SNX29: variants seen among roughly 807,000 people sequenced by gnomAD.
The protein encoded by SNX29 is sorting nexin 29, also known as sorting nexin-29.
In SNX29, 78 loss-of-function variants were observed where a neutral mutation model predicts 102.1. The ratio of observed to expected loss-of-function variants is 0.76; its 90% CI spans 0.64 to 0.92. The LOEUF is 0.92. Ranked by LOEUF, SNX29 falls within the 40% of genes least tolerant of loss-of-function variation. SNX29 has a pLI of 0.00. For missense variants in SNX29, 1,280 were observed against 1,061.7 expected (o/e 1.21, Z -2.86); for synonymous variants, 580 against 414.5 (o/e 1.40, Z -4.85).
intron 16 of SNX29, among the ~76,000 whole-genome samples, chr16:12,392,610 G>C (rs2083568235): frequency 6.6e-6 from 1 of 152,206 alleles, no homozygotes; most frequent in African/African-American, 2.4e-5. Context: ...GTCAAAAACT[G>C]ATTCACAGAA....
chr16:12,283,478 C>T (rs1183528743), intron 15 of SNX29, among the ~76,000 whole-genome samples: 1 of 152,224 alleles, frequency 6.6e-6, no homozygotes, highest in East Asian at 1.9e-4. Context: ...CATCACCATG[C>T]CCAGCTAATT....
chr16:12,003,013 G>A lies in SNX29; in HGVS notation c.92G>A (p.Arg31Lys). 1 of 1,614,218 alleles carries A rather than the reference G, an allele frequency of 6.2e-7. No individual in the cohort carries two copies. The highest frequency in any genetic ancestry group is 2.2e-5 in the East Asian group (1 of 44,888). ...VKQCQIRFGG[R>K]KEIASDSDSR... is the part of the protein sequence containing the mutation. ...CAGTGCCAGATCCGCTTTGGAGGGA[G>A]AAAGGAGATTGCCTCGGATTCCGAC... The change falls in exon 3 of 21, where the codon AGA (arginine) becomes AAA (lysine). Residue 31 changes from arginine to lysine, a missense_variant. By Grantham distance (26) the Arg-to-Lys change is conservative. Coordinates refer to ENST00000566228, the MANE Select transcript of SNX29 (RefSeq NM_032167.5).
At chr16:12,539,926 G>T (rs764481246) in intron 20 of SNX29, among the ~76,000 whole-genome samples, 4 of 152,170 alleles carry the variant, frequency 2.6e-5, no homozygotes, top group African/African-American at 9.6e-5. Context: ...GGAGTTCTTT[G>T]TATATGTTAG....
At chr16:12,112,056 G>A (rs1180204397) in intron 11 of SNX29, among the ~76,000 whole-genome samples, 1 of 152,250 alleles carries the variant, frequency 6.6e-6, no homozygotes, top group East Asian at 1.9e-4. Flanking sequence ...AGAGGTTGCA[G>A]TGGTTTGCAA....
chr16:12,422,394 T>C (rs1180827085), intron 18 of SNX29, among the ~76,000 whole-genome samples: 2 of 152,214 alleles, frequency 1.3e-5, no homozygotes, highest in Non-Finnish European at 2.9e-5. Context: ...CCTGGTGTTT[T>C]TAATTAATGC....
chr16:12,353,438 C>T (rs747133205), intron 15 of SNX29, among the ~76,000 whole-genome samples: 3 of 140,254 alleles, frequency 2.1e-5, no homozygotes, highest in African/African-American at 9.9e-5. Context: ...CTCTTGCCAT[C>T]CTCACAGTGG....
At chr16:12,416,690 T>C (rs939747235) in intron 18 of SNX29, among the ~76,000 whole-genome samples, 6 of 152,106 alleles carry the variant, frequency 3.9e-5, no homozygotes, top group Admixed American at 3.3e-4. Flanking sequence ...TTAGTCATGG[T>C]GGAAGGTGCA....
At chr16:12,057,974 C>A (rs1005216852) in intron 8 of SNX29, among the ~76,000 whole-genome samples, 11 of 151,894 alleles carry the variant, frequency 7.2e-5, no homozygotes, top group African/African-American at 2.7e-4. Flanking sequence ...ACCACCACCA[C>A]TCCCGGTTAA....
chr16:11,989,550 C>T lies in SNX29; in HGVS notation c.8-9747C>T, dbSNP rs551488804. 3.3e-5 allele frequency among the ~76,000 whole-genome samples: 5 copies of T among 152,328 alleles called. No homozygotes were observed. In the South Asian group the frequency reaches 1.0e-3, roughly 32 times the overall value. On this transcript the variant is annotated intron_variant, in intron 1 of 20. Transcript: ENST00000566228. ...TCTAGAGCAGATAAAACCACCACCG[C>T]ACTCTGCCCATGACAGGAATGAGGC...
At position 12,240,585 on chromosome 16, in the gene SNX29, C is replaced by CTTTTTTTTTTTTTTTTTTTT. The variant is rs1180028807; in HGVS notation, c.1679-37340_1679-37321dup. Among the ~76,000 whole-genome samples the CTTTTTTTTTTTTTTTTTTTT allele has an allele frequency of 1.2e-4, 8 of 64,788 alleles. 3 individuals carry two copies. The highest frequency in any genetic ancestry group is 3.4e-4 in the African/African-American group (6 of 17,650). 42.5% of individuals were successfully genotyped at this position (64,788 alleles called of 152,430 possible). On this transcript the variant is annotated intron_variant, in intron 14 of 20. Coordinates refer to ENST00000566228, the MANE Select transcript of SNX29 (RefSeq NM_032167.5). ...ATAAAATAGCATTTCTTTGTCATTT[C>CTTTTTTTTTTTTTTTTTTTT]TTTTTTTTTTTTTTTTTTTTTTTTT...
At chr16:12,193,009 T>A (rs1308673902) in intron 13 of SNX29, among the ~76,000 whole-genome samples, 3 of 151,902 alleles carry the variant, frequency 2.0e-5, no homozygotes, top group Non-Finnish European at 2.9e-5. Flanking sequence ...GTCTAAAAAA[T>A]TTTTTTGTAG....
intron 16 of SNX29, among the ~76,000 whole-genome samples, chr16:12,379,320 G>A (rs943629384): frequency 1.3e-5 from 2 of 152,268 alleles, no homozygotes; most frequent in African/African-American, 2.4e-5. Context: ...GGGGGTCTCC[G>A]TATGTTGCCC....
chr16:12,400,078 G>A (rs2083880856), intron 17 of SNX29, among the ~76,000 whole-genome samples: 1 of 152,144 alleles, frequency 6.6e-6, no homozygotes, highest in African/African-American at 2.4e-5. Context: ...CCTGATCCAG[G>A]CCACATTGTC....
intron 10 of SNX29, among the ~76,000 whole-genome samples, chr16:12,070,533 T>C (rs1671128478): frequency 6.6e-6 from 1 of 151,956 alleles, no homozygotes; most frequent in Non-Finnish European, 1.5e-5. Context: ...CTGCATAGTA[T>C]TCCATGGTGT....
chr16:12,538,782 C>G (rs992481478), intron 20 of SNX29, among the ~76,000 whole-genome samples: 1 of 152,112 alleles, frequency 6.6e-6, no homozygotes, highest in Non-Finnish European at 1.5e-5. Context: ...TGTCACATCG[C>G]CAAGGGGGAT....
intron 20 of SNX29, among the ~76,000 whole-genome samples, chr16:12,543,807 G>C (rs1264067091): frequency 6.6e-6 from 1 of 152,236 alleles, no homozygotes; most frequent in Non-Finnish European, 1.5e-5. Context: ...ATTTCTCCCA[G>C]CCCATGAGAC....
intron 12 of SNX29, among the ~76,000 whole-genome samples, 166 bp from the exon 13 acceptor site, chr16:12,129,464 A>C (rs1220351990): frequency 6.6e-6 from 1 of 152,242 alleles, no homozygotes; most frequent in Admixed American, 6.5e-5. Flanking sequence ...GCTATCAATT[A>C]GAGTTTGCTA....
At chr16:12,035,997 C>G (rs192867992) in intron 4 of SNX29, among the ~76,000 whole-genome samples, 5 of 152,272 alleles carry the variant, frequency 3.3e-5, no homozygotes, top group East Asian at 1.9e-4. Context: ...CTGACATAGC[C>G]TTTGTATCTA....
chr16:12,498,315 G>C (rs2088933035), intron 19 of SNX29, among the ~76,000 whole-genome samples: 1 of 152,156 alleles, frequency 6.6e-6, no homozygotes, highest in African/African-American at 2.4e-5. Context: ...GGCAGGGCCA[G>C]TTACCTTGTA....
Sources: gnomAD v4.1 joint callset for allele counts (sites outside exome capture counted in the v4.1 genomes callset) on GRCh38, gnomAD v4.1.1 for gene constraint, MANE v1.5 for transcripts, NCBI Gene and HGNC (gene_info 2026-07-23, HGNC 2026-07-21) for gene names.